PCDHA7: variants seen among roughly 807,000 people sequenced by gnomAD.
The protein encoded by PCDHA7 is protocadherin alpha-7.
Under a neutral mutation model 57.2 loss-of-function variants are expected in PCDHA7, and 37 were observed. That is an observed-to-expected ratio of 0.65 (90% confidence interval 0.50 to 0.85). PCDHA7 has a LOEUF of 0.85. Among genes scored for constraint, PCDHA7 ranks in the 40% least tolerant of loss-of-function variants. The pLI is 0.00. For missense variants in PCDHA7, 1,188 were observed against 1,241.8 expected (o/e 0.96, Z 0.65); for synonymous variants, 553 against 558.8 (o/e 0.99, Z 0.15).
At chr5:140,883,792 G>C (rs1050179503) in intron 1 of PCDHA7, 7 of 1,612,560 alleles carry the variant, frequency 4.3e-6, no homozygotes, top group African/African-American at 1.3e-5. Flanking sequence ...CGAGCTACGT[G>C]TCGGTGCACG....
intron 1 of PCDHA7, chr5:140,929,053 T>C (rs781847457): frequency 6.2e-7 from 1 of 1,614,182 alleles, no homozygotes; most frequent in Non-Finnish European, 8.5e-7. Flanking sequence ...CTGCTGTCGC[T>C]CTACAGAGGA....
intron 1 of PCDHA7, among the ~76,000 whole-genome samples, chr5:140,881,872 A>C (rs907896928): frequency 6.6e-6 from 1 of 152,240 alleles, no homozygotes; most frequent in South Asian, 2.1e-4. Context: ...TTGTGGCAAA[A>C]TGAAACTCAT....
chr5:140,890,386 A>T (rs905205351), intron 1 of PCDHA7, among the ~76,000 whole-genome samples: 1 of 152,202 alleles, frequency 6.6e-6, no homozygotes, highest in African/African-American at 2.4e-5. Context: ...TCTTTCTTAG[A>T]TAATCTATAA....
At chr5:140,924,725 C>G (rs1015635507) in intron 1 of PCDHA7, among the ~76,000 whole-genome samples, 1 of 151,698 alleles carries the variant, frequency 6.6e-6, no homozygotes, top group East Asian at 1.9e-4. Context: ...CGAAACCTCA[C>G]CTCTAATAAA....
intron 3 of PCDHA7, among the ~76,000 whole-genome samples, chr5:140,984,456 C>T (rs545706582): frequency 8.5e-5 from 13 of 152,286 alleles, no homozygotes; most frequent in African/African-American, 3.1e-4. Context: ...TTCTTACTGT[C>T]CCAGCCCCTC....
chr5:140,970,657 T>C (rs1487534093), intron 1 of PCDHA7, among the ~76,000 whole-genome samples: 1 of 152,232 alleles, frequency 6.6e-6, no homozygotes, highest in Non-Finnish European at 1.5e-5. Context: ...TGAATTGTTA[T>C]CTTTCCAAAT....
At chr5:140,846,639 G>C (rs1780602626) in intron 1 of PCDHA7, among the ~76,000 whole-genome samples, 2 of 149,172 alleles carry the variant, frequency 1.3e-5, no homozygotes, top group Non-Finnish European at 1.5e-5. Context: ...CTCCTAAAGT[G>C]CTGGGATTAC....
chr5:140,882,510 A>G (rs1276139359), intron 1 of PCDHA7: 1 of 1,614,046 alleles, frequency 6.2e-7, no homozygotes, highest in East Asian at 2.2e-5. Context: ...AATCTGCAGA[A>G]TGGCATTTTG....
In PCDHA7 at chr5:140,842,940, C is replaced by G. The variant is rs2150348293; in HGVS notation, c.2355+6202C>G. On this transcript the variant is annotated intron_variant, in intron 1 of 3. Transcript: ENST00000525929. ...CAGTTCCAGGTGAGCGCGCGCGACG[C>G]GGGCGTGCCGCCTCTGGGCAGCAAC... The G allele has an allele frequency of 3.8e-6, 6 of 1,594,510 alleles. 1 individual carries two copies. Among genetic ancestry groups the G allele is most frequent in the Admixed American group, 3.4e-5 (2 of 59,306 alleles).
Position 140,834,272 on chromosome 5 carries a change from C to A in PCDHA7, c.-112C>A. 1 of 1,066,346 alleles carries A rather than the reference C, an allele frequency of 9.4e-7. No homozygotes were observed. The highest frequency in any genetic ancestry group is 1.4e-6 in the Non-Finnish European group (1 of 727,918). The allele number at this position is 1,066,346 out of a possible 1,614,324, so 66.1% of individuals were successfully genotyped here. ...GAAAGACGCTCCACTCTCTTTCACT[C>A]TTTGGATGCACAACAATGGCCACAC... is the stretch of plus-strand genomic sequence containing the variant. On this transcript the variant is annotated 5_prime_UTR_variant, in exon 1 of 4. Coordinates refer to ENST00000525929, the MANE Select transcript of PCDHA7 (RefSeq NM_018910.3).
Position 140,845,869 on chromosome 5 carries a change from C to T in PCDHA7, c.2355+9131C>T, listed in dbSNP as rs1190017155. On this transcript the variant is annotated intron_variant, in intron 1 of 3. Transcript: ENST00000525929. ...AAAGAAGTTAGTGATTGCAGAAAGG[C>T]AACCTAAAATGTCAGAAAGTCGTTA... is the stretch of plus-strand genomic sequence containing the variant. Among the ~76,000 whole-genome samples the T allele has an allele frequency of 2.0e-5, 3 of 149,586 alleles. 1 individual carries two copies. Among genetic ancestry groups the T allele is most frequent in the Non-Finnish European group, 4.5e-5 (3 of 66,866 alleles).
chr5:140,991,733 A>T (rs1360500460), intron 3 of PCDHA7, among the ~76,000 whole-genome samples: 1 of 152,136 alleles, frequency 6.6e-6, no homozygotes, highest in African/African-American at 2.4e-5. Flanking sequence ...TGTTCAAGGT[A>T]ATGTAGGCTC....
intron 1 of PCDHA7, among the ~76,000 whole-genome samples, chr5:140,872,173 T>C (rs2053523271): frequency 6.6e-6 from 1 of 152,224 alleles, no homozygotes; most frequent in Non-Finnish European, 1.5e-5. Flanking sequence ...TTCTTTTTTT[T>C]TTTTACAGTG....
At chr5:140,929,321 C>A (rs1554206981) in intron 1 of PCDHA7, 1 of 1,541,174 alleles carries the variant, frequency 6.5e-7, no homozygotes, top group Non-Finnish European at 8.8e-7. Flanking sequence ...AATGTCAATG[C>A]CATGGTAAGC....
At chr5:140,961,743 A>G (rs1585893660) in intron 1 of PCDHA7, among the ~76,000 whole-genome samples, 1 of 152,170 alleles carries the variant, frequency 6.6e-6, no homozygotes, top group East Asian at 1.9e-4. Flanking sequence ...CTTTAGTAAT[A>G]TTACAGTTTT....
At chr5:140,863,489 C>T (rs1032120656) in intron 1 of PCDHA7, 20 of 450,876 alleles carry the variant, frequency 4.4e-5, no homozygotes, top group Non-Finnish European at 8.4e-5. Context: ...CCAAGGTCAA[C>T]ATTACGGCTT....
chr5:140,851,143 A>T, intron 1 of PCDHA7: 1 of 1,310,128 alleles, frequency 7.6e-7, no homozygotes, highest in Non-Finnish European at 9.9e-7. Flanking sequence ...TTAAAGTGAC[A>T]TTGAATTTCT....
chr5:140,947,772 G>A (rs77655739), intron 1 of PCDHA7, among the ~76,000 whole-genome samples: 3,551 of 151,528 alleles, frequency 0.023, 49 homozygotes, highest in Middle Eastern at 0.034. Flanking sequence ...AAATTCTATT[G>A]TAAATGGATT....
intron 1 of PCDHA7, among the ~76,000 whole-genome samples, chr5:140,902,484 G>T (rs1211102117): frequency 3.3e-5 from 5 of 152,096 alleles, no homozygotes; most frequent in African/African-American, 1.2e-4. Context: ...TGCCTGCTCA[G>T]TATGATACTA....
Sources: gnomAD v4.1 joint callset for allele counts (sites outside exome capture counted in the v4.1 genomes callset) on GRCh38, gnomAD v4.1.1 for gene constraint, MANE v1.5 for transcripts, NCBI Gene and HGNC (gene_info 2026-07-23, HGNC 2026-07-21) for gene names.